The following OR4K1 variants were observed in gnomAD, a reference collection of about 807,000 sequenced individuals.
OR4K1 encodes the protein olfactory receptor family 4 subfamily K member 1.
Under a neutral mutation model 14.4 loss-of-function variants are expected in OR4K1, and 16 were observed. The observed-to-expected ratio is 1.11, with a 90% CI of 0.75 to 1.68. The LOEUF (loss-of-function observed/expected upper bound fraction) is 1.68, where lower values mean the gene tolerates loss of function less well. OR4K1 is among the 40% of genes most tolerant of loss of function. The pLI is 0.00. For missense variants in OR4K1, 548 were observed against 376.9 expected, an observed-to-expected ratio of 1.45 and a Z score of -3.76; for synonymous variants, 181 against 133.1, an observed-to-expected ratio of 1.36 and a Z score of -2.48.
At chr14:19,923,800 A>G in the OR4K1 span, among the ~76,000 whole-genome samples, 1 of 152,236 alleles carries the variant, frequency 6.6e-6, no homozygotes, top group African/African-American at 2.4e-5. Flanking sequence ...AAAAGATGTC[A>G]GTTCTCTCTT....
At chr14:19,931,574 A>G (rs1882185062) in intron 1 of OR4K1, among the ~76,000 whole-genome samples, 1 of 152,252 alleles carries the variant, frequency 6.6e-6, no homozygotes, top group Admixed American at 6.5e-5. Flanking sequence ...GTTTGCTTCT[A>G]GGCTTATAGG....
the OR4K1 span, among the ~76,000 whole-genome samples, chr14:19,923,516 G>A: frequency 8.6e-5 from 13 of 152,042 alleles, no homozygotes; most frequent in African/African-American, 2.7e-4. Flanking sequence ...TATATTCATT[G>A]TATATAACAT....
intron 1 of OR4K1, chr14:19,931,395 C>T (rs1882181348): frequency 6.6e-6 from 1 of 152,358 alleles, no homozygotes; most frequent in Admixed American, 6.5e-5. Flanking sequence ...AACAGAGGAA[C>T]ATATGTTACA....
chr14:19,929,848 T>C (rs1882147396), upstream of OR4K1, among the ~76,000 whole-genome samples: 1 of 152,234 alleles, frequency 6.6e-6, no homozygotes, highest in Non-Finnish European at 1.5e-5. Context: ...GATAGTCCCT[T>C]AACTGTCTGT....
the OR4K1 span, chr14:19,920,486 T>C: frequency 7.6e-7 from 1 of 1,313,282 alleles, no homozygotes; most frequent in Non-Finnish European, 1.0e-6. Flanking sequence ...ATTCAGCAAA[T>C]GCACATTATA....
At chr14:19,923,773 T>C in the OR4K1 span, among the ~76,000 whole-genome samples, 1 of 152,250 alleles carries the variant, frequency 6.6e-6, no homozygotes, top group African/African-American at 2.4e-5. Flanking sequence ...TATTAATAAA[T>C]AGAAAAACAG....
intron 1 of OR4K1, among the ~76,000 whole-genome samples, chr14:19,932,592 C>A (rs537640909): frequency 6.6e-6 from 1 of 152,376 alleles, no homozygotes; most frequent in Admixed American, 6.5e-5. Context: ...TAGAGCCCCA[C>A]CACTGTTCTA....
At chr14:19,935,057 C>T (rs142260284) in intron 1 of OR4K1, among the ~76,000 whole-genome samples, 120 of 152,346 alleles carry the variant, frequency 7.9e-4, no homozygotes, top group African/African-American at 1.9e-3. Flanking sequence ...ATTGCATTCA[C>T]GATTTGCTCC....
At position 19,936,323 on chromosome 14, in the gene OR4K1, C is replaced by T. The variant is rs1175238536; in HGVS notation, c.657C>T (p.Thr219=). 3 of 1,614,236 alleles carry T rather than the reference C, an allele frequency of 1.9e-6. No homozygotes were observed. In the East Asian group the frequency reaches 6.7e-5, roughly 36 times the overall value. ...TCCTGGCTTTAATTATTTCCTACAC[C>T]ATCATTTTGATCGGTGTCCGATGCA... The part of the protein sequence containing the change: ...SCFLALIISY[T]IILIGVRCRS... Residue 219 remains threonine, a synonymous_variant, in exon 2 of 2, where the codon ACC becomes ACT. Coordinates refer to ENST00000641172, the MANE Select transcript of OR4K1 (RefSeq NM_001004063.3).
intron 1 of OR4K1, among the ~76,000 whole-genome samples, chr14:19,935,176 T>A (rs1248282039): frequency 6.6e-6 from 1 of 152,232 alleles, no homozygotes; most frequent in Non-Finnish European, 1.5e-5. Context: ...TTTTTACCTT[T>A]GATTCTTTAT....
the OR4K1 span, chr14:19,921,367 G>T: frequency 6.2e-7 from 1 of 1,614,108 alleles, no homozygotes; most frequent in Non-Finnish European, 8.5e-7. Context: ...TTTGGACCTT[G>T]CATCTTCATC....
At chr14:19,934,162 A>G (rs1282511923) in intron 1 of OR4K1, among the ~76,000 whole-genome samples, 3 of 152,266 alleles carry the variant, frequency 2.0e-5, no homozygotes, top group Admixed American at 2.0e-4. Context: ...ATAAGGACAA[A>G]TAAATATCTG....
At chr14:19,926,882 CAGAAGCCAACTGCTTACTATTTAAAAAT>C (rs1472137061), upstream of OR4K1, among the ~76,000 whole-genome samples, 1 of 152,228 alleles carries the variant, frequency 6.6e-6, no homozygotes, top group Non-Finnish European at 1.5e-5. Context: ...AAAAGCTCTG[CAGAAGCCAACTGCTTACTATTTAAAAAT>C]AGATCTTAGT....
At chr14:19,935,286 G>T (rs940598800) in intron 1 of OR4K1, among the ~76,000 whole-genome samples, 2 of 152,070 alleles carry the variant, frequency 1.3e-5, no homozygotes, top group African/African-American at 4.8e-5. Flanking sequence ...GAAATTATTC[G>T]AGCTAAAACT....
intron 1 of OR4K1, among the ~76,000 whole-genome samples, chr14:19,934,774 A>G (rs2635552): frequency 0.37 from 54,370 of 148,548 alleles, 6,866 homozygotes; most frequent in East Asian, 0.61. Flanking sequence ...AGGTTCAAGC[A>G]ATTCTCCTGC....
chr14:19,936,428 C>A lies in OR4K1; in HGVS notation c.762C>A (p.Cys254Ter). Residue 254 changes from cysteine to a stop codon, truncating the protein, a stop_gained, in exon 2 of 2, where the codon TGC (cysteine) becomes TGA (stop). Transcript: ENST00000641172. LOFTEE classifies it high-confidence loss of function. ...TGGTCATTCTTTTCTTCGGGCCTTG[C>A]ATTTATTTCTATATATGGCCTTTTA... ...ITVVILFFGP[C>*]IYFYIWPFSR... is the part of the protein sequence containing the mutation. 1 of 1,614,068 alleles carries A rather than the reference C, an allele frequency of 6.2e-7. No individual in the cohort carries two copies. Among genetic ancestry groups the A allele is most frequent in the Non-Finnish European group, 8.5e-7 (1 of 1,179,992 alleles).
chr14:19,926,049 T>C (rs1882058348), upstream of OR4K1, among the ~76,000 whole-genome samples: 1 of 152,244 alleles, frequency 6.6e-6, no homozygotes, highest in African/African-American at 2.4e-5. Context: ...ACCATAGGTG[T>C]TTTACTTTTT....
the OR4K1 span, chr14:19,921,691 T>C: frequency 9.1e-7 from 1 of 1,095,166 alleles, no homozygotes; most frequent in Admixed American, 3.0e-5. Context: ...TAGAGAACAT[T>C]TAATGAATAT....
At chr14:19,933,101 T>C (rs1230385119) in intron 1 of OR4K1, among the ~76,000 whole-genome samples, 4 of 151,694 alleles carry the variant, frequency 2.6e-5, no homozygotes, top group African/African-American at 7.3e-5. Context: ...TTATCACAAA[T>C]GACATTTCAA....
Sources: allele counts gnomAD v4.1 joint callset (sites outside exome capture counted in the v4.1 genomes callset), GRCh38; gene constraint gnomAD v4.1.1; transcripts MANE v1.5; gene names NCBI Gene and HGNC (gene_info 2026-07-23, HGNC 2026-07-21).